MACROD2: variants seen among roughly 807,000 people sequenced by gnomAD.
MACROD2 encodes mono-ADP ribosylhydrolase 2, also known as ADP-ribose glycohydrolase MACROD2.
Under a neutral mutation model 70.4 loss-of-function variants are expected in MACROD2, and 36 were observed. That is an observed-to-expected ratio of 0.51 (90% CI 0.39 to 0.68). MACROD2 has a LOEUF of 0.68. Among genes scored for constraint, MACROD2 ranks in the 30% least tolerant of loss-of-function variants. The pLI is 0.00. For synonymous variants in MACROD2, 172 were observed against 178.8 expected, an observed-to-expected ratio of 0.96 and a Z score of 0.30; for missense variants, 496 against 538.4, an observed-to-expected ratio of 0.92 and a Z score of 0.78.
intron 5 of MACROD2, among the ~76,000 whole-genome samples, chr20:15,177,093 C>G (rs145719963): frequency 6.6e-6 from 1 of 152,288 alleles, no homozygotes; most frequent in Non-Finnish European, 1.5e-5. Flanking sequence ...ACTCACTTGC[C>G]CACACACCTC....
chr20:14,931,832 C>T, intron 5 of MACROD2, among the ~76,000 whole-genome samples: 1 of 105,672 alleles, frequency 9.5e-6, no homozygotes, highest in South Asian at 5.0e-4. Flanking sequence ...ACCCCCATCT[C>T]TTAAAAAAAA....
chr20:14,259,705 AAG>A (rs1443058828), intron 3 of MACROD2, among the ~76,000 whole-genome samples: 1 of 151,778 alleles, frequency 6.6e-6, no homozygotes, highest in African/African-American at 2.4e-5. Flanking sequence ...GACAAGAAGA[AAG>A]AGAGTTATTT....
rs10626103 is a variant in MACROD2, at chr20:15,936,671, G to GTATATATATATATATATATATA, written c.839-788_839-787insATATATATATATATATATATAT. On this transcript the variant is annotated intron_variant, in intron 11 of 17. Coordinates refer to ENST00000684519, the MANE Select transcript of MACROD2 (RefSeq NM_001351661.2). ...TTTTGTCCATAATGTGTATATGTGT[G>GTATATATATATATATATATATA]TATATATATATATATATTCATTTTC... Among the ~76,000 whole-genome samples, 1,102 of 143,030 alleles carry GTATATATATATATATATATATA rather than the reference G, an allele frequency of 7.7e-3. 10 individuals carry two copies. Among genetic ancestry groups the GTATATATATATATATATATATA allele is most frequent in the East Asian group, 0.026 (120 of 4,644 alleles). The allele number at this position is 143,030 out of a possible 152,430, so 93.8% of individuals were successfully genotyped here.
chr20:14,144,959 TTG>T (rs2054926731), intron 3 of MACROD2, among the ~76,000 whole-genome samples: 1 of 152,198 alleles, frequency 6.6e-6, no homozygotes, highest in Admixed American at 6.5e-5. Flanking sequence ...TTTCCACTGC[TTG>T]CCTTTTCTTT....
At chr20:15,639,962 AAAG>A (rs1323723546) in intron 8 of MACROD2, among the ~76,000 whole-genome samples, 1 of 149,914 alleles carries the variant, frequency 6.7e-6, no homozygotes, top group Non-Finnish European at 1.5e-5. Flanking sequence ...GGGATGAGAG[AAAG>A]AAGGAGAAAG....
rs754477468 is a variant in MACROD2, at chr20:14,818,825, GT to G, written c.418+133892del. On this transcript the variant is annotated intron_variant, in intron 5 of 17. Coordinates refer to ENST00000684519, the MANE Select transcript of MACROD2 (RefSeq NM_001351661.2). ...GATTGTTTTTGTTTCTCTTCCTTAGGTTTTTTTTTTTTTTTTTTTTTTTTTT... is the reference window on the plus strand; with the variant it reads ...GATTGTTTTTGTTTCTCTTCCTTAGGTTTTTTTTTTTTTTTTTTTTTTTTT... Among the ~76,000 whole-genome samples, 510 of 78,354 alleles carry G rather than the reference GT, an allele frequency of 6.5e-3. 3 individuals are homozygous for G. The highest frequency in any genetic ancestry group is 0.019 in the African/African-American group (360 of 18,576). The allele number at this position is 78,354 out of a possible 152,430, so 51.4% of individuals were successfully genotyped here. A position where few individuals can be genotyped will look rare whatever the true frequency, so the allele number is the denominator to read the frequency against.
At chr20:14,839,764 C>T (rs1020145832) in intron 5 of MACROD2, among the ~76,000 whole-genome samples, 1 of 152,040 alleles carries the variant, frequency 6.6e-6, no homozygotes, top group Non-Finnish European at 1.5e-5. Context: ...AGAGCCCCCT[C>T]CCCAACTTCA....
intron 5 of MACROD2, among the ~76,000 whole-genome samples, chr20:14,803,286 A>G (rs1303434600): frequency 6.6e-6 from 1 of 152,088 alleles, no homozygotes; most frequent in African/African-American, 2.4e-5. Flanking sequence ...AGGGAAATAC[A>G]GGGTTTCCTA....
intron 3 of MACROD2, among the ~76,000 whole-genome samples, chr20:14,134,400 T>A (rs938204909): frequency 1.3e-5 from 2 of 152,230 alleles, no homozygotes; most frequent in Admixed American, 1.3e-4. Flanking sequence ...ATCTTATTAT[T>A]TCACTGAGAG....
chr20:15,860,847 A>G (rs1291632327), intron 8 of MACROD2, among the ~76,000 whole-genome samples: 1 of 152,166 alleles, frequency 6.6e-6, no homozygotes, highest in Non-Finnish European at 1.5e-5. Context: ...TTTTGAGCAG[A>G]CAGCGATTCA....
At chr20:15,152,493 T>TCAGGGCACTGAAA in intron 5 of MACROD2, among the ~76,000 whole-genome samples, 1 of 145,830 alleles carries the variant, frequency 6.9e-6, no homozygotes, top group Non-Finnish European at 1.5e-5. Context: ...AGATAAGAGG[T>TCAGGGCACTGAAA]TAGGGCATGG....
intron 2 of MACROD2, among the ~76,000 whole-genome samples, chr20:14,048,231 A>G (rs2053507108): frequency 1.3e-5 from 2 of 152,188 alleles, no homozygotes; most frequent in Non-Finnish European, 2.9e-5. Context: ...CATCTCCCTG[A>G]TGGACTGAAA....
At chr20:15,315,213 G>A (rs62205201) in intron 6 of MACROD2, among the ~76,000 whole-genome samples, 27,253 of 152,018 alleles carry the variant, frequency 0.18, 2,706 homozygotes, top group Non-Finnish European at 0.23. Flanking sequence ...TACACCTAAA[G>A]CATATTATCA....
At chr20:15,669,178 A>T (rs1378554211) in intron 8 of MACROD2, among the ~76,000 whole-genome samples, 1 of 152,222 alleles carries the variant, frequency 6.6e-6, no homozygotes, top group East Asian at 1.9e-4. Context: ...AAAAGGAAAC[A>T]CATTGTACAC....
At chr20:14,645,148 C>T (rs1483813839) in intron 4 of MACROD2, among the ~76,000 whole-genome samples, 1 of 152,048 alleles carries the variant, frequency 6.6e-6, no homozygotes, top group African/African-American at 2.4e-5. Flanking sequence ...TTTTTCTTCA[C>T]TTAAATTACA....
At chr20:15,167,826 T>C (rs2076395995) in intron 5 of MACROD2, among the ~76,000 whole-genome samples, 1 of 152,176 alleles carries the variant, frequency 6.6e-6, no homozygotes, top group Non-Finnish European at 1.5e-5. Flanking sequence ...TAAATGAGTC[T>C]ACCAGGAACA....
intron 7 of MACROD2, among the ~76,000 whole-genome samples, chr20:15,476,578 C>G (rs909340051): frequency 8.0e-5 from 12 of 149,114 alleles, no homozygotes; most frequent in Admixed American, 4.6e-4. Context: ...TTGCCCCCCC[C>G]CGGTAAGTCT....
Position 14,675,288 on chromosome 20 carries a change from TA to T in MACROD2, c.302-9552del, listed in dbSNP as rs747164164. The stretch of plus-strand genomic sequence containing the variant: ...AAGGTTGAAATGAAGGAAAAAATAT[TA>T]AATGCAGCCAGAGAGAAAGGTCAGG... On this transcript the variant is annotated intron_variant, in intron 4 of 17. Transcript: ENST00000684519. Among the ~76,000 whole-genome samples the T allele has an allele frequency of 1.2e-3, 181 of 152,158 alleles. 1 individual carries two copies. Among genetic ancestry groups the T allele is most frequent in the Non-Finnish European group, 1.9e-3 (129 of 68,004 alleles).
rs73270600 is a variant in MACROD2, at chr20:14,949,706, G to A, written c.418+264747G>A. ...TGGTTTTCTTTCCATATGTTTGAGT[G>A]CCTGCTATGTGACAAGCATTGTGCT... On this transcript the variant is annotated intron_variant, in intron 5 of 17. Transcript: ENST00000684519. Among the ~76,000 whole-genome samples the A allele has an allele frequency of 5.2e-3, 786 of 152,242 alleles. 13 individuals are homozygous for A. Among genetic ancestry groups the A allele is most frequent in the African/African-American group, 0.018 (749 of 41,554 alleles).
Sources: gnomAD v4.1 joint callset for allele counts (sites outside exome capture counted in the v4.1 genomes callset) on GRCh38, gnomAD v4.1.1 for gene constraint, MANE v1.5 for transcripts, NCBI Gene and HGNC (gene_info 2026-07-23, HGNC 2026-07-21) for gene names.